The following MTARC2 variants were observed in gnomAD, a reference collection of about 807,000 sequenced individuals.
MTARC2 encodes the protein MOCO sulphurase C-terminal domain containing 2.
MTARC2 carries 27 observed loss-of-function variants against 35.6 expected under a neutral mutation model. The ratio of observed to expected loss-of-function variants is 0.76; its 90% CI spans 0.56 to 1.04. The LOEUF (loss-of-function observed/expected upper bound fraction) is 1.04. Ranked by LOEUF, MTARC2 falls within the 50% of genes least tolerant of loss-of-function variation. The probability of loss-of-function intolerance (pLI) is 0.00; values close to 1 mark genes in which losing one functional copy is unlikely to be tolerated. For synonymous variants in MTARC2, 158 were observed against 167.1 expected (o/e 0.95, Z 0.42); for missense variants, 412 against 432.5 (o/e 0.95, Z 0.42).
At chr1:220,763,646 T>C (rs1472598492) in intron 4 of MTARC2, among the ~76,000 whole-genome samples, 1 of 152,184 alleles carries the variant, frequency 6.6e-6, no homozygotes, top group Non-Finnish European at 1.5e-5. Flanking sequence ...ATGTGATATA[T>C]ATATAGCTGG....
At chr1:220,758,161 T>C (rs1374012704) in intron 2 of MTARC2, among the ~76,000 whole-genome samples, 2 of 151,754 alleles carry the variant, frequency 1.3e-5, no homozygotes, top group African/African-American at 4.8e-5. Flanking sequence ...ATTTTTGTAT[T>C]TTTAGCAGAG....
intron 2 of MTARC2, chr1:220,756,362 A>G (rs1671281231): frequency 6.6e-6 from 1 of 152,256 alleles, no homozygotes; most frequent in African/African-American, 2.4e-5. Context: ...TGAAATCCAC[A>G]ACTCATGGTT....
intron 1 of MTARC2, 126 bp downstream of exon 1, chr1:220,748,929 G>C: frequency 8.0e-7 from 1 of 1,242,826 alleles, no homozygotes; most frequent in Non-Finnish European, 1.0e-6. Context: ...TGGGCTGACT[G>C]TTGGGCCGTT....
chr1:220,752,231 G>T (rs1208356066), intron 1 of MTARC2, among the ~76,000 whole-genome samples: 1 of 152,192 alleles, frequency 6.6e-6, no homozygotes, highest in Non-Finnish European at 1.5e-5. Flanking sequence ...AGCCCATGGA[G>T]AAATAATGTC....
At chr1:220,763,100 G>A in intron 4 of MTARC2, 50 bp downstream of exon 4, 2 of 1,613,698 alleles carry the variant, frequency 1.2e-6, no homozygotes, top group East Asian at 2.2e-5. Flanking sequence ...GCTGCTCGCG[G>A]TGCTAAGGGA....
chr1:220,770,405 A>C, intron 4 of MTARC2: 2 of 985,420 alleles, frequency 2.0e-6, no homozygotes, highest in Non-Finnish European at 2.4e-6. Flanking sequence ...GTGTCTTCAG[A>C]GACGGTGGTG....
intron 4 of MTARC2, among the ~76,000 whole-genome samples, chr1:220,772,104 T>C (rs574354132): frequency 6.6e-6 from 1 of 152,340 alleles, no homozygotes; most frequent in South Asian, 2.1e-4. Context: ...AGTGGTTCCA[T>C]GTTAGTCCAT....
At position 220,762,979 on chromosome 1, in the gene MTARC2, A is replaced by G; in HGVS notation, c.679A>G (p.Met227Val). 6.2e-7 allele frequency: 1 copy of G among 1,614,172 alleles called. No individual in the cohort carries two copies. The highest frequency in any genetic ancestry group is 8.5e-7 in the Non-Finnish European group (1 of 1,180,002). Residue 227 changes from methionine (M) to valine (V), a missense_variant, in exon 4 of 8, where the codon ATG becomes GTG. By Grantham distance (21) the Met-to-Val change is conservative (BLOSUM62 1). Coordinates refer to ENST00000366913, the MANE Select transcript of MTARC2 (RefSeq NM_017898.5). Reference protein sequence around the residue: ...DASLVDLNTRMEKKMKMENFR... With the variant: ...DASLVDLNTRVEKKMKMENFR... ...CTCCCTGGTAGATTTGAATACCAGG[A>G]TGGAGAAGAAAATGAAAATGGAGAA...
intron 4 of MTARC2, among the ~76,000 whole-genome samples, chr1:220,778,318 C>T (rs1211541016): frequency 6.6e-6 from 1 of 151,428 alleles, no homozygotes; most frequent in East Asian, 1.9e-4. Context: ...GTACAGGATG[C>T]ATAGCGGCTT....
At chr1:220,764,298 G>A (rs1186291680) in intron 4 of MTARC2, among the ~76,000 whole-genome samples, 2 of 151,984 alleles carry the variant, frequency 1.3e-5, no homozygotes, top group African/African-American at 4.8e-5. Flanking sequence ...TCTCCATGTT[G>A]GCCAGGCCAG....
intron 2 of MTARC2, among the ~76,000 whole-genome samples, chr1:220,758,982 T>G (rs758002204): frequency 2.0e-5 from 3 of 152,212 alleles, no homozygotes; most frequent in Non-Finnish European, 2.9e-5. Flanking sequence ...CTATGAATAT[T>G]ATTTTTCTTC....
chr1:220,761,009 A>C (rs1339250887), intron 2 of MTARC2, among the ~76,000 whole-genome samples: 2 of 152,244 alleles, frequency 1.3e-5, no homozygotes, highest in Non-Finnish European at 2.9e-5. Context: ...AATTAAACTT[A>C]TGATGAAAAA....
rs78172949 is a variant in MTARC2 at position 220,764,828 on chromosome 1, A to G, written c.750+1778A>G. On this transcript the variant is annotated intron_variant, in intron 4 of 7. Transcript: ENST00000366913. Reference sequence around the variant, plus strand: ...ATAGCAATGTATACAGAAGTTGTCTACTTGATGGTGTTATCTTGTCATTTG... The same window carrying G: ...ATAGCAATGTATACAGAAGTTGTCTGCTTGATGGTGTTATCTTGTCATTTG... Among the ~76,000 whole-genome samples, 1,148 of 152,120 alleles carry G rather than the reference A, an allele frequency of 7.5e-3. 21 individuals carry two copies. Among genetic ancestry groups the G allele is most frequent in the African/African-American group, 0.027 (1,106 of 41,522 alleles).
chr1:220,776,791 G>A (rs1671929132), intron 4 of MTARC2, among the ~76,000 whole-genome samples: 1 of 152,172 alleles, frequency 6.6e-6, no homozygotes, highest in Non-Finnish European at 1.5e-5. Flanking sequence ...AAATTCTTTA[G>A]CTCTCACACA....
At chr1:220,756,188 A>T (rs1289908643) in intron 2 of MTARC2, 1 of 152,186 alleles carries the variant, frequency 6.6e-6, no homozygotes, top group Non-Finnish European at 1.5e-5. Flanking sequence ...TTGTCCTTCC[A>T]CATTAAGAAG....
chr1:220,773,916 A>T (rs1004869887), intron 4 of MTARC2, among the ~76,000 whole-genome samples: 3 of 152,026 alleles, frequency 2.0e-5, no homozygotes, highest in Non-Finnish European at 4.4e-5. Flanking sequence ...ACACATAGCT[A>T]TGTATACAGA....
intron 4 of MTARC2, 40 bp downstream of exon 4, chr1:220,763,090 G>GCTGCTC (rs1558068299): frequency 6.2e-7 from 1 of 1,613,970 alleles, no homozygotes; most frequent in South Asian, 1.1e-5. Flanking sequence ...GCTCAGATGT[G>GCTGCTC]CTGCTCGCGG....
At chr1:220,763,353 C>T (rs72472395) in intron 4 of MTARC2, among the ~76,000 whole-genome samples, 167 of 148,206 alleles carry the variant, frequency 1.1e-3, no homozygotes, top group African/African-American at 4.0e-3. Flanking sequence ...CTGAGGGAAG[C>T]GAAGATAAAG....
intron 4 of MTARC2, among the ~76,000 whole-genome samples, chr1:220,764,388 C>T (rs373026898): frequency 2.7e-4 from 41 of 152,254 alleles, no homozygotes; most frequent in South Asian, 1.5e-3. Context: ...CCACTGTGCC[C>T]GGCCCCTAAT....
Sources: gnomAD v4.1 joint callset for allele counts (sites outside exome capture counted in the v4.1 genomes callset) on GRCh38, gnomAD v4.1.1 for gene constraint, MANE v1.5 for transcripts, NCBI Gene and HGNC (gene_info 2026-07-23, HGNC 2026-07-21) for gene names.